The following VAV3 variants were observed in gnomAD, a reference collection of about 807,000 sequenced individuals.
VAV3 encodes vav guanine nucleotide exchange factor 3.
VAV3 carries 94 observed loss-of-function variants against 131.2 expected under a neutral mutation model. That is an observed-to-expected ratio of 0.72 (90% CI 0.61 to 0.85). The LOEUF is 0.85. VAV3 is among the 40% of genes least tolerant of loss of function. The pLI is 0.00. For missense variants in VAV3, 939 were observed against 1,002.7 expected, an observed-to-expected ratio of 0.94 and a Z score of 0.86; for synonymous variants, 349 against 342.0, an observed-to-expected ratio of 1.02 and a Z score of -0.22.
At chr1:107,872,774 CAAAT>C (rs1375216980) in intron 2 of VAV3, among the ~76,000 whole-genome samples, 1 of 152,070 alleles carries the variant, frequency 6.6e-6, no homozygotes, top group East Asian at 1.9e-4. Context: ...GCTTCAATCT[CAAAT>C]AGATATGTGA....
intron 19 of VAV3, among the ~76,000 whole-genome samples, chr1:107,680,425 G>A (rs911721103): frequency 6.6e-6 from 1 of 152,038 alleles, no homozygotes; most frequent in Non-Finnish European, 1.5e-5. Context: ...ATGACAAAAA[G>A]TCCAATATTA....
chr1:107,624,760 T>C (rs1312416217), intron 20 of VAV3, among the ~76,000 whole-genome samples: 1 of 152,236 alleles, frequency 6.6e-6, no homozygotes, highest in Non-Finnish European at 1.5e-5. Context: ...GTTACTTTTC[T>C]ACTAAAAGCA....
chr1:107,618,418 G>A (rs1434218314), intron 20 of VAV3, among the ~76,000 whole-genome samples: 2 of 152,188 alleles, frequency 1.3e-5, no homozygotes, highest in East Asian at 1.9e-4. Flanking sequence ...ACAGTGAAAT[G>A]TAAGTTTTGG....
chr1:107,875,734 C>G (rs1670464189), intron 1 of VAV3, among the ~76,000 whole-genome samples: 2 of 152,066 alleles, frequency 1.3e-5, no homozygotes, highest in African/African-American at 4.8e-5. Context: ...GTCTTTTTGG[C>G]CTGTTGTGCT....
At chr1:107,886,070 G>A (rs985536358) in intron 1 of VAV3, among the ~76,000 whole-genome samples, 2 of 152,174 alleles carry the variant, frequency 1.3e-5, no homozygotes, top group African/African-American at 2.4e-5. Flanking sequence ...ACTAGCATAT[G>A]AAAAGGCCTG....
In VAV3 at chr1:107,672,710, G is replaced by A. The variant is rs185398667; in HGVS notation, c.1777+10778C>T. On this transcript the variant is annotated intron_variant, in intron 19 of 26. Transcript: ENST00000370056. Reference sequence around the variant, plus strand: ...GCACCAAATCTTGAATAGAAAGAGGGAGTAAGCATAATAGATAATTCTCAG... The same window carrying A: ...GCACCAAATCTTGAATAGAAAGAGGAAGTAAGCATAATAGATAATTCTCAG... 3.9e-5 allele frequency among the ~76,000 whole-genome samples: 6 copies of A among 152,048 alleles called. No individual in the cohort carries two copies. In the East Asian group the frequency reaches 1.2e-3, roughly 29 times the overall value.
At chr1:107,669,302 A>G in intron 19 of VAV3, 1 of 1,289,090 alleles carries the variant, frequency 7.8e-7, no homozygotes, top group Non-Finnish European at 1.0e-6. Context: ...AAAAAGAGCT[A>G]CCCAGTATTG....
intron 1 of VAV3, among the ~76,000 whole-genome samples, chr1:107,887,922 T>A (rs1379265947): frequency 1.3e-5 from 2 of 152,028 alleles, no homozygotes; most frequent in Non-Finnish European, 2.9e-5. Flanking sequence ...TATGCATCAT[T>A]AAACTTGAAA....
chr1:107,672,599 G>C (rs1370316213), intron 19 of VAV3, among the ~76,000 whole-genome samples: 1 of 151,086 alleles, frequency 6.6e-6, no homozygotes, highest in Non-Finnish European at 1.5e-5. Context: ...AAATACACCA[G>C]AAAAAAAATA....
At chr1:107,941,140 G>C (rs1447780572) in intron 1 of VAV3, among the ~76,000 whole-genome samples, 1 of 152,098 alleles carries the variant, frequency 6.6e-6, no homozygotes, top group Non-Finnish European at 1.5e-5. Flanking sequence ...TTCTTTCAAA[G>C]TTCAGAAATT....
At chr1:107,573,412 T>C in intron 26 of VAV3, 40 bp from the exon 27 acceptor site, 1 of 1,611,852 alleles carries the variant, frequency 6.2e-7, no homozygotes, top group East Asian at 2.2e-5. Context: ...CATGACTTTG[T>C]ATCTGACACT....
intron 15 of VAV3, among the ~76,000 whole-genome samples, chr1:107,747,424 T>G (rs956586792): frequency 2.0e-5 from 3 of 152,088 alleles, no homozygotes; most frequent in Non-Finnish European, 4.4e-5. Context: ...ATATTACCAC[T>G]AACCCAATCA....
chr1:107,871,798 G>C (rs1004768057), intron 2 of VAV3, among the ~76,000 whole-genome samples: 1 of 152,216 alleles, frequency 6.6e-6, no homozygotes, highest in South Asian at 2.1e-4. Context: ...CAGAGGGAGA[G>C]CTTGGACAAA....
Position 107,748,988 on chromosome 1 carries a change from T to C in VAV3, c.1482A>G (p.Leu494=), listed in dbSNP as rs766599632. Residue 494 remains leucine, a synonymous_variant, in exon 15 of 27, where the codon CTA becomes CTG. Coordinates refer to ENST00000370056, the MANE Select transcript of VAV3 (RefSeq NM_006113.5). ...CKTKDLKKKW[L]EQFEMALSNI... is the part of the protein sequence containing the mutation. ...CTCACAAAGCCATTTCAAACTGTTCTAGCCATTTCTTCTTTAAATCTTTTG... is the reference window on the plus strand; with the variant it reads ...CTCACAAAGCCATTTCAAACTGTTCCAGCCATTTCTTCTTTAAATCTTTTG... 1 of 1,609,256 alleles carries C rather than the reference T, an allele frequency of 6.2e-7. No homozygotes were observed. Among genetic ancestry groups the C allele is most frequent in the Admixed American group, 1.7e-5 (1 of 59,388 alleles).
At chr1:107,845,111 C>G (rs1046290944) in intron 2 of VAV3, among the ~76,000 whole-genome samples, 1 of 152,210 alleles carries the variant, frequency 6.6e-6, no homozygotes, top group African/African-American at 2.4e-5. Flanking sequence ...GAGAAAGGAA[C>G]AGGCAGCAAT....
At chr1:107,723,048 C>T (rs999793549) in intron 15 of VAV3, among the ~76,000 whole-genome samples, 3 of 152,058 alleles carry the variant, frequency 2.0e-5, no homozygotes, top group Non-Finnish European at 2.9e-5. Flanking sequence ...CTATAGACTT[C>T]GTCATGTTAT....
intron 2 of VAV3, among the ~76,000 whole-genome samples, chr1:107,849,709 A>C (rs1486072354): frequency 1.3e-5 from 2 of 152,162 alleles, no homozygotes; most frequent in Non-Finnish European, 2.9e-5. Flanking sequence ...GCAACAAAAG[A>C]CAAAATTGAC....
chr1:107,596,520 C>T (rs571895874), intron 24 of VAV3, among the ~76,000 whole-genome samples, 179 bp from the exon 25 acceptor site: 66 of 152,096 alleles, frequency 4.3e-4, no homozygotes, highest in Non-Finnish European at 7.2e-4. Context: ...ATGACACCTA[C>T]CTAATAGCTG....
intron 2 of VAV3, among the ~76,000 whole-genome samples, chr1:107,873,925 TA>T (rs1670367286): frequency 6.6e-6 from 1 of 152,188 alleles, no homozygotes; most frequent in Non-Finnish European, 1.5e-5. Context: ...TCAAATTTCC[TA>T]TATTTCTGTC....
Sources: allele counts gnomAD v4.1 joint callset (sites outside exome capture counted in the v4.1 genomes callset), GRCh38; gene constraint gnomAD v4.1.1; transcripts MANE v1.5; gene names NCBI Gene and HGNC (gene_info 2026-07-23, HGNC 2026-07-21).